The following KLHL8 variants were observed in gnomAD, a reference collection of about 807,000 sequenced individuals.
The protein encoded by KLHL8 is kelch-like protein 8.
Under a neutral mutation model 63.5 loss-of-function variants are expected in KLHL8, and 38 were observed. The observed-to-expected ratio is 0.60, with a 90% CI of 0.46 to 0.78. The LOEUF is 0.78. Among genes scored for constraint, KLHL8 ranks in the 30% least tolerant of loss-of-function variants. The pLI is 0.00. For synonymous variants in KLHL8, 224 were observed against 254.3 expected (o/e 0.88, Z 1.13); for missense variants, 566 against 752.4 (o/e 0.75, Z 2.90).
chr4:87,227,685 T>C (rs1008774096), intron 1 of KLHL8, among the ~76,000 whole-genome samples: 1 of 152,118 alleles, frequency 6.6e-6, no homozygotes, highest in Non-Finnish European at 1.5e-5. Context: ...TTGGAAGTCA[T>C]GTATAGGATG....
chr4:87,188,589 G>C (rs1276475144), intron 2 of KLHL8, among the ~76,000 whole-genome samples: 1 of 152,048 alleles, frequency 6.6e-6, no homozygotes, highest in African/African-American at 2.4e-5. Flanking sequence ...ATTTTATAAA[G>C]ATCTTTAAGC....
intron 1 of KLHL8, among the ~76,000 whole-genome samples, chr4:87,211,526 T>G (rs1171250462): frequency 6.6e-6 from 1 of 152,184 alleles, no homozygotes; most frequent in Non-Finnish European, 1.5e-5. Context: ...GCACAGTGGC[T>G]CAAGCCTGTA....
chr4:87,166,595 G>C (rs1330959459), intron 8 of KLHL8, among the ~76,000 whole-genome samples: 1 of 152,170 alleles, frequency 6.6e-6, no homozygotes, highest in Non-Finnish European at 1.5e-5. Context: ...CCTTGCTACT[G>C]GAAGTGTGTT....
chr4:87,192,631 A>G, intron 2 of KLHL8, among the ~76,000 whole-genome samples: 1 of 152,206 alleles, frequency 6.6e-6, no homozygotes, highest in South Asian at 2.1e-4. Flanking sequence ...GTTCTAATAC[A>G]GTCATGTGTC....
At chr4:87,225,820 G>A (rs1053550956) in intron 1 of KLHL8, among the ~76,000 whole-genome samples, 2 of 152,152 alleles carry the variant, frequency 1.3e-5, no homozygotes, top group Non-Finnish European at 2.9e-5. Context: ...AATTACTAGT[G>A]CTGGTGACTT....
At chr4:87,238,633 T>C (rs1419913965) in intron 1 of KLHL8, among the ~76,000 whole-genome samples, 2 of 152,240 alleles carry the variant, frequency 1.3e-5, no homozygotes, top group Non-Finnish European at 2.9e-5. Flanking sequence ...GTTAATTTTA[T>C]TTAATACAAA....
At chr4:87,192,955 A>C (rs1460683463) in intron 2 of KLHL8, among the ~76,000 whole-genome samples, 1 of 152,190 alleles carries the variant, frequency 6.6e-6, no homozygotes. Context: ...ATGGAGCTGC[A>C]GGGCCTGAAG....
intron 1 of KLHL8, among the ~76,000 whole-genome samples, chr4:87,229,832 G>T (rs953833683): frequency 2.0e-5 from 3 of 151,572 alleles, no homozygotes; most frequent in African/African-American, 7.3e-5. Flanking sequence ...CCAGGTTCAC[G>T]CCATTCTCCT....
chr4:87,227,329 A>G (rs1182326792), intron 1 of KLHL8, among the ~76,000 whole-genome samples: 7 of 152,008 alleles, frequency 4.6e-5, no homozygotes, highest in Non-Finnish European at 1.0e-4. Context: ...TTTAGTAGCC[A>G]TCTTGGACCA....
At chr4:87,178,857 C>T (rs1730937216) in intron 4 of KLHL8, among the ~76,000 whole-genome samples, 2 of 152,182 alleles carry the variant, frequency 1.3e-5, no homozygotes, top group South Asian at 4.1e-4. Flanking sequence ...CTCTCACCTA[C>T]CTTCTAAAAT....
At chr4:87,226,545 G>C (rs1157360809) in intron 1 of KLHL8, among the ~76,000 whole-genome samples, 1 of 134,480 alleles carries the variant, frequency 7.4e-6, no homozygotes, top group Non-Finnish European at 1.5e-5. Flanking sequence ...CTGGGCAACA[G>C]AGCAAGACTC....
upstream of KLHL8, among the ~76,000 whole-genome samples, chr4:87,224,121 G>C (rs1213300110): frequency 2.6e-5 from 4 of 151,926 alleles, no homozygotes; most frequent in Non-Finnish European, 5.9e-5. Flanking sequence ...GAGTGCAATG[G>C]CACGATCTTG....
chr4:87,221,050 A>C (rs1208875992), upstream of KLHL8: 1 of 152,226 alleles, frequency 6.6e-6, no homozygotes. Context: ...ATACACACCC[A>C]CAGTTTGTAA....
intron 1 of KLHL8, among the ~76,000 whole-genome samples, chr4:87,233,497 C>T (rs1285334863): frequency 3.3e-5 from 5 of 152,076 alleles, no homozygotes; most frequent in South Asian, 2.1e-4. Context: ...GGCTTGAATC[C>T]GGGAGGCAGA....
intron 2 of KLHL8, among the ~76,000 whole-genome samples, chr4:87,193,837 G>T (rs1731587126): frequency 6.6e-6 from 1 of 152,144 alleles, no homozygotes; most frequent in African/African-American, 2.4e-5. Flanking sequence ...TGTATATGGG[G>T]TCCATCGTTG....
intron 1 of KLHL8, among the ~76,000 whole-genome samples, chr4:87,202,848 T>G (rs1034884927): frequency 1.3e-5 from 2 of 152,088 alleles, no homozygotes; most frequent in South Asian, 4.1e-4. Flanking sequence ...AAAACAAAGA[T>G]AGTACAGAAA....
At chr4:87,230,449 T>C (rs970888806) in intron 1 of KLHL8, among the ~76,000 whole-genome samples, 2 of 152,112 alleles carry the variant, frequency 1.3e-5, no homozygotes, top group African/African-American at 4.8e-5. Flanking sequence ...ACCCCTACTA[T>C]TAACGTTTTT....
At chr4:87,166,405 C>A (rs1560688757) in intron 8 of KLHL8, among the ~76,000 whole-genome samples, 1 of 152,168 alleles carries the variant, frequency 6.6e-6, no homozygotes, top group Admixed American at 6.5e-5. Flanking sequence ...CTAGTGACAA[C>A]CTCTCTGAAT....
intron 1 of KLHL8, among the ~76,000 whole-genome samples, chr4:87,203,699 C>A (rs1732007422): frequency 6.7e-6 from 1 of 149,712 alleles, no homozygotes; most frequent in Non-Finnish European, 1.5e-5. Flanking sequence ...ATAACTATAC[C>A]TAAAACAATA....
Sources: allele counts gnomAD v4.1 joint callset (sites outside exome capture counted in the v4.1 genomes callset), GRCh38; gene constraint gnomAD v4.1.1; transcripts MANE v1.5; gene names NCBI Gene and HGNC (gene_info 2026-07-23, HGNC 2026-07-21).